PPP1R7: variants seen among roughly 807,000 people sequenced by gnomAD.
PPP1R7 encodes the protein protein phosphatase 1 regulatory subunit 7, also known as protein phosphatase 1 regulatory subunit 22.
Under a neutral mutation model 45.2 loss-of-function variants are expected in PPP1R7, and 18 were observed. The observed-to-expected ratio is 0.40, with a 90% CI of 0.28 to 0.59. PPP1R7 has a LOEUF of 0.59. Ranked by LOEUF, PPP1R7 falls within the 20% of genes least tolerant of loss-of-function variation. The pLI is 0.46. For synonymous variants in PPP1R7, 181 were observed against 183.4 expected (o/e 0.99, Z 0.11); for missense variants, 314 against 455.8 (o/e 0.69, Z 2.83).
Position 241,182,685 on chromosome 2 carries a change from C to T in PPP1R7, c.945C>T (p.Asp315=), listed in dbSNP as rs550670692. The change falls in exon 10 of 10, where the codon GAC becomes GAT. Residue 315 remains aspartate (D), a synonymous_variant. Transcript: ENST00000234038. ...DNLLESWSDL[D]ELKGARSLET... Reference sequence around the variant, plus strand: ...TCCTTGAGAGCTGGAGCGACCTCGACGAGCTGAAGGGAGCCAGGAGCCTGG... The same window carrying T: ...TCCTTGAGAGCTGGAGCGACCTCGATGAGCTGAAGGGAGCCAGGAGCCTGG... 24 of 1,614,150 alleles carry T rather than the reference C, an allele frequency of 1.5e-5. No homozygotes were observed. The highest frequency in any genetic ancestry group is 1.6e-4 in the Middle Eastern group (1 of 6,062).
At chr2:241,173,661 T>C (rs11689868) in intron 9 of PPP1R7, among the ~76,000 whole-genome samples, 34,544 of 152,210 alleles carry the variant, frequency 0.23, 4,726 homozygotes, top group Non-Finnish European at 0.3. Context: ...CCCTTGCTCC[T>C]CACCCCGGTT....
At chr2:241,151,738 A>T (rs188537877) in intron 1 of PPP1R7, among the ~76,000 whole-genome samples, 18 of 151,912 alleles carry the variant, frequency 1.2e-4, no homozygotes, top group Admixed American at 3.3e-4. Flanking sequence ...TCACTGTCCC[A>T]CTCCCACCCA....
chr2:241,175,620 A>G (rs1315106504), intron 9 of PPP1R7, among the ~76,000 whole-genome samples: 1 of 152,152 alleles, frequency 6.6e-6, no homozygotes, highest in Admixed American at 6.5e-5. Context: ...TTTGAGACAG[A>G]GTCTTGTTCT....
At chr2:241,150,182 G>A, upstream of PPP1R7, 2 of 1,279,222 alleles carry the variant, frequency 1.6e-6, no homozygotes, top group Non-Finnish European at 2.0e-6. Flanking sequence ...TCTCCACTCT[G>A]CCTAGACGTC....
intron 9 of PPP1R7, among the ~76,000 whole-genome samples, chr2:241,179,250 A>G (rs951104033): frequency 6.6e-6 from 1 of 152,196 alleles, no homozygotes; most frequent in African/African-American, 2.4e-5. Context: ...CACAGGCCCA[A>G]GGATCATGCC....
chr2:241,176,455 T>C (rs1188495652), intron 9 of PPP1R7, among the ~76,000 whole-genome samples: 1 of 150,802 alleles, frequency 6.6e-6, no homozygotes, highest in African/African-American at 2.4e-5. Flanking sequence ...AATTTTTTTT[T>C]CTTTCTTTTT....
chr2:241,162,469 C>T lies in PPP1R7; in HGVS notation c.598-816C>T, dbSNP rs977877361. On this transcript the variant is annotated intron_variant, in intron 6 of 9. Transcript: ENST00000234038. ...ACCATGGGGAGACCAGACAGGGCAG[C>T]GTGGTCACTGCCTCTGGAGGTTTAT... 6.6e-5 allele frequency among the ~76,000 whole-genome samples: 10 copies of T among 152,256 alleles called. No individual in the cohort carries two copies. In the South Asian group the frequency reaches 1.0e-3, roughly 16 times the overall value.
At chr2:241,182,553 T>G (rs2068023117) in intron 9 of PPP1R7, 94 bp from the exon 10 acceptor site, 1 of 1,485,904 alleles carries the variant, frequency 6.7e-7, no homozygotes, top group Admixed American at 1.8e-5. Flanking sequence ...CGCCATCTTC[T>G]GAGTGGGAAG....
intron 5 of PPP1R7, 95 bp downstream of exon 5, chr2:241,159,438 C>G (rs1016387007): frequency 3.4e-5 from 51 of 1,479,176 alleles, no homozygotes; most frequent in Non-Finnish European, 4.6e-5. Context: ...TGGCTCTTAG[C>G]CCTTGAGAGG....
intron 1 of PPP1R7, chr2:241,151,486 G>T (rs1354511025): frequency 2.1e-6 from 1 of 471,264 alleles, no homozygotes; most frequent in South Asian, 1.5e-5. Context: ...CGAAGGCAAC[G>T]AGGTTGGGGA....
intron 8 of PPP1R7, among the ~76,000 whole-genome samples, chr2:241,169,369 G>T (rs2067775402): frequency 6.6e-6 from 1 of 152,216 alleles, no homozygotes; most frequent in African/African-American, 2.4e-5. Context: ...AGATTACTTG[G>T]TCGTACATTT....
chr2:241,162,047 G>C (rs536782846), intron 6 of PPP1R7, among the ~76,000 whole-genome samples: 1 of 152,224 alleles, frequency 6.6e-6, no homozygotes, highest in African/African-American at 2.4e-5. Context: ...AGGGAGGGTG[G>C]TTTTGGCAAC....
upstream of PPP1R7, chr2:241,149,867 G>A (rs2067202107): frequency 6.9e-7 from 1 of 1,454,746 alleles, no homozygotes; most frequent in Admixed American, 2.6e-5. Context: ...CTGGCGCCCC[G>A]GAGCCAGCCA....
At chr2:241,181,435 G>T (rs1456150419) in intron 9 of PPP1R7, among the ~76,000 whole-genome samples, 1 of 151,946 alleles carries the variant, frequency 6.6e-6, no homozygotes, top group African/African-American at 2.4e-5. Context: ...GTTCCAGCGC[G>T]AGCCCCGTGA....
chr2:241,158,627 T>G, intron 4 of PPP1R7, 78 bp downstream of exon 4: 1 of 1,425,010 alleles, frequency 7.0e-7, no homozygotes, highest in Non-Finnish European at 9.9e-7. Context: ...CAGTCAGTCC[T>G]GAGTTGTGGT....
intron 9 of PPP1R7, among the ~76,000 whole-genome samples, chr2:241,171,140 C>G (rs148475157): frequency 6.6e-6 from 1 of 152,290 alleles, no homozygotes; most frequent in East Asian, 1.9e-4. Flanking sequence ...CGTAACGATT[C>G]CTTCTGCATG....
chr2:241,158,438 C>T (rs1219763285), intron 3 of PPP1R7, 46 bp from the exon 4 acceptor site: 2 of 1,597,760 alleles, frequency 1.3e-6, no homozygotes, highest in African/African-American at 1.3e-5. Context: ...ACACAGGTCT[C>T]CAGCCACTTT....
intron 7 of PPP1R7, among the ~76,000 whole-genome samples, chr2:241,164,150 C>A (rs1485188670): frequency 6.6e-6 from 1 of 152,120 alleles, no homozygotes; most frequent in Non-Finnish European, 1.5e-5. Context: ...CTCCTGGACT[C>A]AAGCAAACCT....
upstream of PPP1R7, chr2:241,149,982 C>T (rs987100946): frequency 7.1e-7 from 1 of 1,417,128 alleles, no homozygotes; most frequent in Non-Finnish European, 9.2e-7. Context: ...GCGGGGACGC[C>T]GGGAGAATGT....
Sources: allele counts gnomAD v4.1 joint callset (sites outside exome capture counted in the v4.1 genomes callset), GRCh38; gene constraint gnomAD v4.1.1; transcripts MANE v1.5; gene names NCBI Gene and HGNC (gene_info 2026-07-23, HGNC 2026-07-21).